Variants in HPSE2 observed in about 807,000 individuals in gnomAD.
The protein encoded by HPSE2 is heparanase 2 (inactive), also known as inactive heparanase-2.
HPSE2 carries 38 observed loss-of-function variants against 60.5 expected under a neutral mutation model. The ratio of observed to expected loss-of-function variants is 0.63; its 90% confidence interval spans 0.48 to 0.82. HPSE2 has a LOEUF of 0.82. HPSE2 is among the 40% of genes least tolerant of loss of function. The probability of loss-of-function intolerance (pLI) is 0.00; values close to 1 mark genes in which losing one functional copy is unlikely to be tolerated. For synonymous variants in HPSE2, 295 were observed against 293.2 expected (o/e 1.01, Z -0.06); for missense variants, 713 against 740.4 (o/e 0.96, Z 0.43).
intron 3 of HPSE2, among the ~76,000 whole-genome samples, chr10:99,106,298 A>G (rs1458061770): frequency 6.6e-6 from 1 of 152,146 alleles, no homozygotes; most frequent in Admixed American, 6.5e-5. Flanking sequence ...TATAAAATGC[A>G]ATGTACAATT....
At chr10:98,592,620 A>AT (rs750581777) in intron 9 of HPSE2, among the ~76,000 whole-genome samples, 3 of 152,122 alleles carry the variant, frequency 2.0e-5, no homozygotes, top group Non-Finnish European at 2.9e-5. Context: ...TCATTTTTCA[A>AT]TTTTTTGTGG....
At position 99,014,102 on chromosome 10, in the gene HPSE2, G is replaced by A. The variant is rs1049020863; in HGVS notation, c.610+130136C>T. ...TGGCCCACTTCCAGAGAACCAGAGGGAGGCCAAAACCCAGGTCACCCTGCC... is the reference window on the plus strand; with the variant it reads ...TGGCCCACTTCCAGAGAACCAGAGGAAGGCCAAAACCCAGGTCACCCTGCC... On this transcript the variant is annotated intron_variant, in intron 3 of 11. Transcript: ENST00000370552. The A allele has an allele frequency of 2.2e-5, 4 of 182,000 alleles. No individual in the cohort carries two copies. In the South Asian group the frequency reaches 3.3e-4, roughly 15 times the overall value. The allele number at this position is 182,000 out of a possible 1,614,324, so 11.3% of individuals were successfully genotyped here.
chr10:99,129,067 A>G (rs1384070298), intron 3 of HPSE2, among the ~76,000 whole-genome samples: 1 of 152,214 alleles, frequency 6.6e-6, no homozygotes, highest in Non-Finnish European at 1.5e-5. Flanking sequence ...GACATTACAC[A>G]AAGCTAAAAG....
At chr10:98,728,157 A>G (rs1449620784) in intron 4 of HPSE2, among the ~76,000 whole-genome samples, 1 of 152,220 alleles carries the variant, frequency 6.6e-6, no homozygotes, top group East Asian at 1.9e-4. Context: ...ACTGTAAAAA[A>G]TATTCATTAC....
chr10:99,086,885 A>G (rs1348095990), intron 3 of HPSE2, among the ~76,000 whole-genome samples: 6 of 152,230 alleles, frequency 3.9e-5, no homozygotes, highest in Non-Finnish European at 8.8e-5. Flanking sequence ...CAAATCAGAT[A>G]ACACAGAGTA....
intron 9 of HPSE2, among the ~76,000 whole-genome samples, chr10:98,596,873 G>A (rs533371746): frequency 9.2e-5 from 14 of 152,040 alleles, no homozygotes; most frequent in Middle Eastern, 3.4e-3. Context: ...GTATTAATTC[G>A]TTCTCATACT....
chr10:98,569,190 A>G (rs1007543358), intron 9 of HPSE2, among the ~76,000 whole-genome samples: 1 of 151,460 alleles, frequency 6.6e-6, no homozygotes, highest in Admixed American at 6.6e-5. Context: ...CAGCCTCCTG[A>G]GTAGCTGGGA....
chr10:99,251,744 G>A, the HPSE2 span, among the ~76,000 whole-genome samples: 36 of 151,716 alleles, frequency 2.4e-4, no homozygotes, highest in African/African-American at 8.5e-4. Flanking sequence ...AAAACAATTG[G>A]CTAGGCATGG....
intron 3 of HPSE2, among the ~76,000 whole-genome samples, chr10:98,764,834 G>C (rs1413836951): frequency 1.3e-5 from 2 of 152,214 alleles, no homozygotes; most frequent in Non-Finnish European, 2.9e-5. Flanking sequence ...TCCAGCCTGG[G>C]TGACAGAGAG....
At position 99,132,196 on chromosome 10, in the gene HPSE2, AGAGAGAGAGAGAGAG is replaced by A. The variant is rs1845441034; in HGVS notation, c.610+12027_610+12041del. On this transcript the variant is annotated intron_variant, in intron 3 of 11. Transcript: ENST00000370552. ...AAGAAAGAAAGAAAGAAAGAAAGAG[AGAGAGAGAGAGAGAG>A]AGAGAGAGAGAGAGAGAGAGAGAGA... 1.6e-3 allele frequency among the ~76,000 whole-genome samples: 69 copies of A among 43,488 alleles called. 3 individuals are homozygous for A. Among genetic ancestry groups the A allele is most frequent in the Middle Eastern group, 9.4e-3 (1 of 106 alleles). 28.5% of individuals were successfully genotyped at this position (43,488 alleles called of 152,430 possible).
chr10:98,868,800 A>G (rs1188999407), intron 3 of HPSE2, among the ~76,000 whole-genome samples: 1 of 152,178 alleles, frequency 6.6e-6, no homozygotes, highest in East Asian at 1.9e-4. Flanking sequence ...TTTTTATTAC[A>G]AAGTTCAAAA....
At chr10:98,677,758 C>T (rs2134128377) in intron 6 of HPSE2, among the ~76,000 whole-genome samples, 1 of 152,242 alleles carries the variant, frequency 6.6e-6, no homozygotes, top group South Asian at 2.1e-4. Context: ...GACAGATAAC[C>T]TCTAAAAATA....
chr10:98,544,369 G>A (rs552128453), intron 9 of HPSE2, among the ~76,000 whole-genome samples: 3 of 152,302 alleles, frequency 2.0e-5, no homozygotes, highest in South Asian at 2.1e-4. Flanking sequence ...ATGCCCACAA[G>A]AGAAAGCAGG....
Position 99,183,999 on chromosome 10 carries a change from A to G in HPSE2, c.449-39600T>C, listed in dbSNP as rs1564877032. On this transcript the variant is annotated intron_variant, in intron 2 of 11. Coordinates refer to ENST00000370552, the MANE Select transcript of HPSE2 (RefSeq NM_021828.5). ...TTTTGAAGAAAGCCTTAAAAAACAA[A>G]AAAACTGACTCCAAGGAACTTAACT... Among the ~76,000 whole-genome samples, 4 of 152,286 alleles carry G rather than the reference A, an allele frequency of 2.6e-5. No individual in the cohort carries two copies. In the South Asian group the frequency reaches 8.3e-4, roughly 32 times the overall value.
chr10:98,838,464 T>A (rs1951840929), intron 3 of HPSE2, among the ~76,000 whole-genome samples: 1 of 152,206 alleles, frequency 6.6e-6, no homozygotes, highest in Middle Eastern at 3.4e-3. Flanking sequence ...TGATTCATTT[T>A]TTTTTTTTTT....
chr10:98,691,164 G>T (rs1234348824), intron 6 of HPSE2, among the ~76,000 whole-genome samples: 1 of 152,150 alleles, frequency 6.6e-6, no homozygotes, highest in African/African-American at 2.4e-5. Context: ...GGCCAGAATT[G>T]CCTGGGATTC....
intron 3 of HPSE2, among the ~76,000 whole-genome samples, chr10:98,873,082 C>T (rs1053057269): frequency 6.6e-6 from 1 of 151,998 alleles, no homozygotes; most frequent in Non-Finnish European, 1.5e-5. Flanking sequence ...TTTAACTTTA[C>T]TTAATGCTGG....
intron 3 of HPSE2, among the ~76,000 whole-genome samples, chr10:99,105,064 A>T (rs1003585178): frequency 6.7e-6 from 1 of 150,190 alleles, no homozygotes; most frequent in Admixed American, 6.7e-5. Flanking sequence ...AATATAATAA[A>T]AAAAAAAAAA....
At chr10:98,902,685 T>C (rs1446545858) in intron 3 of HPSE2, among the ~76,000 whole-genome samples, 10 of 152,198 alleles carry the variant, frequency 6.6e-5, no homozygotes, top group Admixed American at 6.5e-4. Context: ...TACTGATTTT[T>C]GGTGCATTTA....
Sources: gnomAD v4.1 joint callset for allele counts (sites outside exome capture counted in the v4.1 genomes callset) on GRCh38, gnomAD v4.1.1 for gene constraint, MANE v1.5 for transcripts, NCBI Gene and HGNC (gene_info 2026-07-23, HGNC 2026-07-21) for gene names.